Variants in TRAF3IP1 observed in about 807,000 individuals in gnomAD.
The protein encoded by TRAF3IP1 is intraflagellar transport 54, also known as TRAF3-interacting protein 1.
In TRAF3IP1, 53 loss-of-function variants were observed where a neutral mutation model predicts 89.9. The observed-to-expected ratio is 0.59, with a 90% CI of 0.47 to 0.74. The LOEUF (loss-of-function observed/expected upper bound fraction) is 0.74. Ranked by LOEUF, TRAF3IP1 falls within the 30% of genes least tolerant of loss-of-function variation. The probability of loss-of-function intolerance (pLI) is 0.00; values close to 1 mark genes in which losing one functional copy is unlikely to be tolerated. For synonymous variants in TRAF3IP1, 311 were observed against 322.1 expected, an observed-to-expected ratio of 0.97 and a Z score of 0.37; for missense variants, 806 against 866.1, an observed-to-expected ratio of 0.93 and a Z score of 0.87.
At chr2:238,384,585 A>G (rs1310653767) in intron 15 of TRAF3IP1, among the ~76,000 whole-genome samples, 2 of 131,640 alleles carry the variant, frequency 1.5e-5, no homozygotes, top group African/African-American at 2.9e-5. Context: ...ACGTTTTACC[A>G]TGTTGGCCAG....
At chr2:238,392,227 T>C (rs1424916393) in intron 15 of TRAF3IP1, among the ~76,000 whole-genome samples, 1 of 152,076 alleles carries the variant, frequency 6.6e-6, no homozygotes, top group East Asian at 1.9e-4. Flanking sequence ...GAAAAAGAAA[T>C]AATAGAGATA....
intron 8 of TRAF3IP1, among the ~76,000 whole-genome samples, chr2:238,339,663 C>G (rs1698545213): frequency 6.6e-6 from 1 of 152,256 alleles, no homozygotes. Flanking sequence ...GCCACAGTTT[C>G]CTCGTCATAA....
chr2:238,398,541 A>G (rs1701343589), intron 16 of TRAF3IP1, among the ~76,000 whole-genome samples: 1 of 152,042 alleles, frequency 6.6e-6, no homozygotes, highest in African/African-American at 2.4e-5. Flanking sequence ...CTTCAAGATT[A>G]TCATTGAAGA....
At chr2:238,355,882 T>C in intron 14 of TRAF3IP1, 122 bp from the exon 15 acceptor site, 1 of 709,748 alleles carries the variant, frequency 1.4e-6, no homozygotes. Flanking sequence ...TATTTGAAAC[T>C]GTTTCAGCAT....
At chr2:238,378,996 T>C (rs1250176323) in intron 15 of TRAF3IP1, among the ~76,000 whole-genome samples, 1 of 152,162 alleles carries the variant, frequency 6.6e-6, no homozygotes, top group African/African-American at 2.4e-5. Flanking sequence ...GTGCCCTCTG[T>C]GGGACTCAGC....
chr2:238,381,130 T>G (rs71426522), intron 15 of TRAF3IP1, among the ~76,000 whole-genome samples: 34,279 of 140,160 alleles, frequency 0.24, 4,348 homozygotes, highest in Non-Finnish European at 0.3. Flanking sequence ...TTTTTAATTA[T>G]TTATTTATTT....
chr2:238,349,014 T>C (rs550457010), intron 11 of TRAF3IP1, among the ~76,000 whole-genome samples, 166 bp downstream of exon 11: 5 of 152,370 alleles, frequency 3.3e-5, no homozygotes, highest in African/African-American at 1.2e-4. Context: ...ACTGGAGTTA[T>C]ATCACTATAT....
Position 238,399,638 on chromosome 2 carries a change from C to G in TRAF3IP1, c.*719C>G, listed in dbSNP as rs1272117194. On this transcript the variant is annotated 3_prime_UTR_variant, in exon 17 of 17. Transcript: ENST00000373327. The stretch of plus-strand genomic sequence containing the variant: ...TCTGGACATACATCCTCACTTTCTT[C>G]CGCAGTTTACCCTGGTTTTCCTCAG... 2.0e-5 allele frequency: 3 copies of G among 152,110 alleles called. No homozygotes were observed. Among genetic ancestry groups the G allele is most frequent in the African/African-American group, 7.2e-5 (3 of 41,414 alleles). 9.4% of individuals were successfully genotyped at this position (152,110 alleles called of 1,614,324 possible).
intron 15 of TRAF3IP1, among the ~76,000 whole-genome samples, chr2:238,380,828 A>T (rs915754910): frequency 3.3e-5 from 5 of 152,246 alleles, no homozygotes; most frequent in African/African-American, 7.2e-5. Flanking sequence ...AGGTAAAAGC[A>T]TGTTAGCAAC....
chr2:238,323,368 T>C (rs1430664496), intron 1 of TRAF3IP1, among the ~76,000 whole-genome samples: 1 of 152,214 alleles, frequency 6.6e-6, no homozygotes. Flanking sequence ...TGTGAGCTAC[T>C]GTACCCAGCC....
At chr2:238,398,635 T>C in intron 16 of TRAF3IP1, 119 bp from the exon 17 acceptor site, 1 of 1,180,316 alleles carries the variant, frequency 8.5e-7, no homozygotes, top group Non-Finnish European at 1.2e-6. Flanking sequence ...AAATAAATAT[T>C]ATCCTTTTCT....
At chr2:238,343,315 A>G (rs184008052) in intron 8 of TRAF3IP1, among the ~76,000 whole-genome samples, 1 of 151,918 alleles carries the variant, frequency 6.6e-6, no homozygotes, top group East Asian at 1.9e-4. Context: ...CGCTCTCTTG[A>G]GCTCATGATC....
intron 11 of TRAF3IP1, among the ~76,000 whole-genome samples, 188 bp from the exon 12 acceptor site, chr2:238,349,137 A>T (rs1340197237): frequency 6.6e-6 from 1 of 152,188 alleles, no homozygotes; most frequent in African/African-American, 2.4e-5. Context: ...TACAAGTGGA[A>T]AGATGGACAC....
intron 15 of TRAF3IP1, among the ~76,000 whole-genome samples, chr2:238,367,581 G>T (rs1402462441): frequency 1.3e-5 from 2 of 152,180 alleles, no homozygotes; most frequent in African/African-American, 4.8e-5. Flanking sequence ...CTTGCTCCTC[G>T]TGGGACTGAG....
At chr2:238,383,995 T>A (rs1030696087) in intron 15 of TRAF3IP1, among the ~76,000 whole-genome samples, 1 of 152,204 alleles carries the variant, frequency 6.6e-6, no homozygotes, top group Non-Finnish European at 1.5e-5. Flanking sequence ...GTCTTTGGGG[T>A]TGACTATTTG....
intron 1 of TRAF3IP1, among the ~76,000 whole-genome samples, chr2:238,324,927 G>T (rs1353755708): frequency 1.3e-5 from 2 of 152,140 alleles, no homozygotes; most frequent in African/African-American, 4.8e-5. Flanking sequence ...TGTTTGGCAT[G>T]TGCATCCGAA....
intron 7 of TRAF3IP1, among the ~76,000 whole-genome samples, chr2:238,335,175 A>C (rs1698324714): frequency 6.6e-6 from 1 of 152,170 alleles, no homozygotes; most frequent in South Asian, 2.1e-4. Flanking sequence ...CCTAAGTGTT[A>C]AACTGTTATG....
rs1436299372 is a variant in TRAF3IP1, at chr2:238,345,042, C to T, written c.1261+444C>T. 1.3e-5 allele frequency among the ~76,000 whole-genome samples: 2 copies of T among 152,148 alleles called. No homozygotes were observed. Among genetic ancestry groups the T allele is most frequent in the African/African-American group, 2.4e-5 (1 of 41,440 alleles). On this transcript the variant is annotated intron_variant, in intron 9 of 16. Transcript: ENST00000373327. The surrounding 1 kb of genome is among the most constrained non-coding windows in gnomAD (Gnocchi z 4.7). ...TACTTTCACCATAAATTTTCTCAGC[C>T]TTTAAAAAAACTTTGGTAAAATAGC...
Position 238,352,913 on chromosome 2 carries a change from C to T in TRAF3IP1, c.1538C>T (p.Ala513Val), listed in dbSNP as rs762765790. 2.7e-5 allele frequency: 44 copies of T among 1,613,802 alleles called. No individual in the cohort carries two copies. In the South Asian group the frequency reaches 4.7e-4, roughly 17 times the overall value. Residue 513 changes from alanine to valine, a missense_variant, in exon 13 of 17, where the codon GCT becomes GTT. By Grantham distance (64) the Ala-to-Val change is moderately conservative. Transcript: ENST00000373327. ...NEEDDQFVVE[A>V]APQLSEMSEI... is the part of the protein sequence containing the mutation. ...GAGGATGATCAATTTGTGGTGGAAG[C>T]TGCCCCTCAGCTCTCTGAAATGTCA...
Sources: gnomAD v4.1 joint callset for allele counts (sites outside exome capture counted in the v4.1 genomes callset) on GRCh38, gnomAD v4.1.1 for gene constraint, Gnocchi (gnomAD v3.1) non-coding constraint, MANE v1.5 for transcripts, NCBI Gene and HGNC (gene_info 2026-07-23, HGNC 2026-07-21) for gene names.